CAST: variants seen among roughly 807,000 people sequenced by gnomAD.
CAST encodes the protein calpastatin.
Under a neutral mutation model 119.6 loss-of-function variants are expected in CAST, and 76 were observed. That is an observed-to-expected ratio of 0.64 (90% CI 0.53 to 0.77). CAST has a LOEUF of 0.77. Among genes scored for constraint, CAST ranks in the 30% least tolerant of loss-of-function variants. The probability of loss-of-function intolerance (pLI) is 0.00; values close to 1 mark genes in which losing one functional copy is unlikely to be tolerated. For missense variants in CAST, 953 were observed against 946.5 expected, an observed-to-expected ratio of 1.01 and a Z score of -0.09; for synonymous variants, 319 against 331.6, an observed-to-expected ratio of 0.96 and a Z score of 0.41.
At chr5:96,738,246 C>T (rs1159391711) in intron 11 of CAST, among the ~76,000 whole-genome samples, 3 of 152,126 alleles carry the variant, frequency 2.0e-5, no homozygotes, top group Non-Finnish European at 2.9e-5. Flanking sequence ...CACTTGAACC[C>T]AGGAGGCAGA....
the CAST span, among the ~76,000 whole-genome samples, chr5:96,442,088 G>C: frequency 6.6e-6 from 1 of 152,198 alleles, no homozygotes; most frequent in South Asian, 2.1e-4. Context: ...AACAGAGTTT[G>C]CATAGATAAT....
At chr5:96,195,826 T>A in the CAST span, among the ~76,000 whole-genome samples, 3 of 152,226 alleles carry the variant, frequency 2.0e-5, no homozygotes, top group Non-Finnish European at 4.4e-5. Context: ...CTTTCCAGTC[T>A]CAAATCACAT....
chr5:96,298,838 T>C, the CAST span, among the ~76,000 whole-genome samples: 4 of 151,528 alleles, frequency 2.6e-5, no homozygotes, highest in Non-Finnish European at 5.9e-5. Context: ...AGGGAGAAGA[T>C]TTATGAAAAA....
the CAST span, chr5:96,400,228 A>G: frequency 2.1e-6 from 3 of 1,441,488 alleles, no homozygotes; most frequent in Non-Finnish European, 2.9e-6. Flanking sequence ...GAGAAAAATG[A>G]AGTTTCCTTG....
At chr5:96,504,144 G>T in the CAST span, among the ~76,000 whole-genome samples, 1 of 152,100 alleles carries the variant, frequency 6.6e-6, no homozygotes, top group African/African-American at 2.4e-5. Flanking sequence ...ATGTCCATTG[G>T]TCCTCTCAGC....
At chr5:96,225,275 C>T in the CAST span, among the ~76,000 whole-genome samples, 105 of 151,680 alleles carry the variant, frequency 6.9e-4, no homozygotes, top group African/African-American at 2.4e-3. Context: ...CCTTCCCTTC[C>T]TTTTTTTCCT....
intron 1 of CAST, 71 bp downstream of exon 1, chr5:96,662,568 T>G (rs1375052464): frequency 3.3e-5 from 43 of 1,308,580 alleles, no homozygotes; most frequent in Non-Finnish European, 4.2e-5. Flanking sequence ...GTGGCCGCCC[T>G]CCCTGGGCGT....
At chr5:96,476,051 C>T in the CAST span, among the ~76,000 whole-genome samples, 186 of 152,280 alleles carry the variant, frequency 1.2e-3, 1 homozygote, top group African/African-American at 4.4e-3. Flanking sequence ...CAAAAGCGGC[C>T]GTTGAGGCCC....
chr5:96,604,121 A>G (rs261214), intron 1 of CAST, among the ~76,000 whole-genome samples: 73,513 of 151,896 alleles, frequency 0.48, 18,057 homozygotes, highest in Middle Eastern at 0.53. Flanking sequence ...GCATCACCGC[A>G]TGAGTAATGC....
At chr5:96,347,560 C>T in the CAST span, among the ~76,000 whole-genome samples, 34 of 152,204 alleles carry the variant, frequency 2.2e-4, no homozygotes, top group African/African-American at 7.5e-4. Context: ...TCATCACTGG[C>T]GGGTCCTCAG....
the CAST span, among the ~76,000 whole-genome samples, chr5:96,359,820 C>T: frequency 6.6e-6 from 1 of 152,140 alleles, no homozygotes; most frequent in Non-Finnish European, 1.5e-5. Context: ...CTTGGGGTTG[C>T]TCATCTCGAA....
intron 3 of CAST, among the ~76,000 whole-genome samples, chr5:96,705,560 T>C (rs1287406705): frequency 6.6e-6 from 1 of 152,098 alleles, no homozygotes; most frequent in Non-Finnish European, 1.5e-5. Context: ...TAGTACTCTA[T>C]TGTCTACCCT....
chr5:96,058,537 G>C, the CAST span, among the ~76,000 whole-genome samples: 4 of 136,270 alleles, frequency 2.9e-5, no homozygotes, highest in Admixed American at 2.9e-4. Flanking sequence ...TTTGGTACCA[G>C]AAGGGCTCTA....
chr5:96,433,229 C>G, the CAST span: 1 of 635,452 alleles, frequency 1.6e-6, no homozygotes, highest in Admixed American at 2.4e-5. Context: ...CAGTGAAGCG[C>G]TTCGGTCTCC....
At chr5:96,507,678 A>G in the CAST span, among the ~76,000 whole-genome samples, 1 of 152,208 alleles carries the variant, frequency 6.6e-6, no homozygotes, top group African/African-American at 2.4e-5. Context: ...AAAATTACCC[A>G]GGGTGCTCTG....
chr5:96,326,875 G>A, the CAST span, among the ~76,000 whole-genome samples: 1 of 152,046 alleles, frequency 6.6e-6, no homozygotes, highest in East Asian at 1.9e-4. Context: ...TTTCAACACT[G>A]ATTCAAATGT....
chr5:96,478,742 G>A, the CAST span, among the ~76,000 whole-genome samples: 2,078 of 152,290 alleles, frequency 0.014, 34 homozygotes, highest in South Asian at 0.057. Flanking sequence ...TTTACCACAT[G>A]CCCTGAGCAT....
the CAST span, among the ~76,000 whole-genome samples, chr5:96,182,534 A>G: frequency 6.6e-6 from 1 of 152,248 alleles, no homozygotes; most frequent in African/African-American, 2.4e-5. Context: ...TTGATTTTAA[A>G]TCAAGTGTAG....
At chr5:96,529,091 T>C (rs1443124119), upstream of CAST, among the ~76,000 whole-genome samples, 4 of 152,246 alleles carry the variant, frequency 2.6e-5, no homozygotes, top group African/African-American at 4.8e-5. Context: ...GTCTGGGTTT[T>C]GCAGGAAACT....
Sources: gnomAD v4.1 joint callset for allele counts (sites outside exome capture counted in the v4.1 genomes callset) on GRCh38, gnomAD v4.1.1 for gene constraint, MANE v1.5 for transcripts, NCBI Gene and HGNC (gene_info 2026-07-23, HGNC 2026-07-21) for gene names.